Variants in FNDC3A observed in about 807,000 individuals in gnomAD.
FNDC3A encodes the protein fibronectin type III domain containing 3A.
Under a neutral mutation model 148.9 loss-of-function variants are expected in FNDC3A, and 32 were observed. That is an observed-to-expected ratio of 0.21 (90% CI 0.16 to 0.29). The LOEUF (loss-of-function observed/expected upper bound fraction) is 0.29. Ranked by LOEUF, FNDC3A falls within the 10% of genes least tolerant of loss-of-function variation. The pLI, the probability that FNDC3A is intolerant of heterozygous loss-of-function variation, is 1.00. For synonymous variants in FNDC3A, 472 were observed against 473.6 expected (o/e 1.00, Z 0.04); for missense variants, 1,191 against 1,452.8 (o/e 0.82, Z 2.93).
rs184738897 is a variant in FNDC3A, at chr13:49,007,785, A to G, written c.99+1496A>G. Among the ~76,000 whole-genome samples, 4 of 152,284 alleles carry G rather than the reference A, an allele frequency of 2.6e-5. No individual in the cohort carries two copies. In the East Asian group the frequency reaches 7.7e-4, roughly 29 times the overall value. ...ACCTACTAGCAAGATTTAAAGGAGC[A>G]GGTGGAGTTAGGAGGTCTAGGGACA... On this transcript the variant is annotated intron_variant, in intron 2 of 25. Transcript: ENST00000492622.
At chr13:49,028,263 C>T (rs147766053) in intron 2 of FNDC3A, among the ~76,000 whole-genome samples, 118 of 152,000 alleles carry the variant, frequency 7.8e-4, no homozygotes, top group African/African-American at 2.6e-3. Flanking sequence ...ATAAGAGACA[C>T]TCTTTATTTT....
chr13:49,194,866 T>G (rs1233175983), intron 19 of FNDC3A, among the ~76,000 whole-genome samples: 1 of 152,136 alleles, frequency 6.6e-6, no homozygotes, highest in African/African-American at 2.4e-5. Context: ...AAAGATTTTT[T>G]AAACTTATTA....
chr13:49,136,549 A>G lies in FNDC3A; in HGVS notation c.708A>G (p.Lys236=). 6.2e-7 allele frequency: 1 copy of G among 1,614,100 alleles called. No individual in the cohort carries two copies. ...GTGGTATAAACACAGGATCAGCAAAAATCAAGTCTGGGAAGGGGAAAGGTG... is the reference window on the plus strand; with the variant it reads ...GTGGTATAAACACAGGATCAGCAAAGATCAAGTCTGGGAAGGGGAAAGGTG... ...IAGGINTGSA[K]IKSGKGKGGT... Residue 236 remains lysine (K), a synonymous_variant, in exon 6 of 26, where the codon AAA becomes AAG. Transcript: ENST00000492622.
intron 4 of FNDC3A, among the ~76,000 whole-genome samples, chr13:49,120,724 C>T (rs151123980): frequency 2.0e-5 from 3 of 151,036 alleles, no homozygotes; most frequent in African/African-American, 7.3e-5. Flanking sequence ...GACTTTAAAC[C>T]AACAAAGATC....
chr13:49,188,186 G>A (rs557544814), intron 16 of FNDC3A, among the ~76,000 whole-genome samples: 1 of 152,108 alleles, frequency 6.6e-6, no homozygotes, highest in Non-Finnish European at 1.5e-5. Flanking sequence ...TCTGATACTG[G>A]TTTTTTGTAC....
intron 2 of FNDC3A, among the ~76,000 whole-genome samples, chr13:49,062,475 A>G (rs1021836768): frequency 6.6e-6 from 1 of 152,064 alleles, no homozygotes; most frequent in African/African-American, 2.4e-5. Context: ...TTTCCATCAC[A>G]TTTCTCAAAC....
chr13:49,160,317 G>A (rs888011516), intron 8 of FNDC3A, among the ~76,000 whole-genome samples: 2 of 152,052 alleles, frequency 1.3e-5, no homozygotes, highest in African/African-American at 2.4e-5. Flanking sequence ...GTCTATTCAG[G>A]GATTCGACTT....
intron 3 of FNDC3A, among the ~76,000 whole-genome samples, chr13:49,078,211 T>TACAA (rs2137788082): frequency 6.6e-6 from 1 of 152,372 alleles, no homozygotes; most frequent in South Asian, 2.1e-4. Context: ...AAGTAGCTTA[T>TACAA]ATTTCAAAAG....
rs546750771 is a variant in FNDC3A, at chr13:49,140,797, C to T, written c.819+1992C>T. On this transcript the variant is annotated intron_variant, in intron 7 of 25. Coordinates refer to ENST00000492622, the MANE Select transcript of FNDC3A (RefSeq NM_001079673.2). ...TCACACAATGAATGTTAAATTGTAA[C>T]GGTGAAGTGCCAGGACAAAAAGATA... is the stretch of plus-strand genomic sequence containing the variant. Among the ~76,000 whole-genome samples, 12 of 152,214 alleles carry T rather than the reference C, an allele frequency of 7.9e-5. No individual in the cohort carries two copies. The South Asian group carries it at 1.5e-3, about 18-fold the overall frequency.
At chr13:48,989,637 G>A (rs930681273) in intron 1 of FNDC3A, among the ~76,000 whole-genome samples, 3 of 151,868 alleles carry the variant, frequency 2.0e-5, no homozygotes, top group African/African-American at 4.8e-5. Context: ...AGTATTTGAA[G>A]AAATAATGGC....
chr13:49,142,386 A>G (rs1882738778), intron 7 of FNDC3A, among the ~76,000 whole-genome samples: 2 of 152,114 alleles, frequency 1.3e-5, no homozygotes, highest in Non-Finnish European at 2.9e-5. Flanking sequence ...CCTGGGTTAC[A>G]GTATCATCTT....
intron 6 of FNDC3A, among the ~76,000 whole-genome samples, chr13:49,137,889 A>C (rs1182031696): frequency 3.0e-4 from 45 of 152,196 alleles, no homozygotes; most frequent in Admixed American, 2.9e-3. Flanking sequence ...AAATACATAG[A>C]TATGCATGGT....
chr13:49,000,939 ATTAG>A (rs1423052382), intron 1 of FNDC3A, among the ~76,000 whole-genome samples: 7 of 151,074 alleles, frequency 4.6e-5, no homozygotes, highest in African/African-American at 1.7e-4. Flanking sequence ...GAATTCACTT[ATTAG>A]TTCTAACAGG....
chr13:48,992,104 T>G lies in FNDC3A; in HGVS notation c.-39-14048T>G, dbSNP rs1490889555. Among the ~76,000 whole-genome samples the G allele has an allele frequency of 2.0e-5, 3 of 152,228 alleles. No homozygotes were observed. The South Asian group carries it at 6.2e-4, about 32-fold the overall frequency. On this transcript the variant is annotated intron_variant, in intron 1 of 25. Transcript: ENST00000492622. ...AAATTGTAAGTTGAACCATCACAAGTTGGGGATTGTCTGTATACAAATAAT... is the reference window on the plus strand; with the variant it reads ...AAATTGTAAGTTGAACCATCACAAGGTGGGGATTGTCTGTATACAAATAAT...
chr13:49,170,552 A>G (rs1184768427), intron 10 of FNDC3A, among the ~76,000 whole-genome samples: 3 of 152,144 alleles, frequency 2.0e-5, no homozygotes, highest in Non-Finnish European at 4.4e-5. Flanking sequence ...CCAGTCCCCC[A>G]AGGCAGACTA....
intron 8 of FNDC3A, among the ~76,000 whole-genome samples, chr13:49,158,600 T>C (rs1254576515): frequency 1.3e-5 from 2 of 152,252 alleles, no homozygotes; most frequent in Admixed American, 6.5e-5. Flanking sequence ...TTTATTTTGC[T>C]GTGCAGAAGC....
chr13:49,031,859 GAA>G (rs760172573), intron 2 of FNDC3A, among the ~76,000 whole-genome samples: 1 of 151,990 alleles, frequency 6.6e-6, no homozygotes, highest in Non-Finnish European at 1.5e-5. Context: ...AAAATTGGAG[GAA>G]AAAATCCATA....
intron 3 of FNDC3A, among the ~76,000 whole-genome samples, chr13:49,092,374 T>C (rs1387713030): frequency 6.6e-6 from 1 of 152,196 alleles, no homozygotes; most frequent in Non-Finnish European, 1.5e-5. Context: ...TGCAGCAACT[T>C]ATCCTTCACC....
intron 2 of FNDC3A, among the ~76,000 whole-genome samples, chr13:49,056,665 T>G (rs1292005478): frequency 1.3e-5 from 2 of 152,208 alleles, no homozygotes; most frequent in African/African-American, 4.8e-5. Context: ...GTTCACCTGT[T>G]TTCTACTGGG....
Sources: allele counts gnomAD v4.1 joint callset (sites outside exome capture counted in the v4.1 genomes callset), GRCh38; gene constraint gnomAD v4.1.1; transcripts MANE v1.5; gene names NCBI Gene and HGNC (gene_info 2026-07-23, HGNC 2026-07-21).